LIF: variants seen among roughly 807,000 people sequenced by gnomAD.
LIF encodes the protein leukemia inhibitory factor.
A neutral mutation model predicts 15.0 loss-of-function variants in LIF; 9 were observed. The observed-to-expected ratio is 0.60, with a 90% CI of 0.36 to 1.04. The LOEUF (loss-of-function observed/expected upper bound fraction) is 1.04. Ranked by LOEUF, LIF falls within the 50% of genes least tolerant of loss-of-function variation. The pLI, the probability that LIF is intolerant of heterozygous loss-of-function variation, is 0.01. For missense variants in LIF, 240 were observed against 266.7 expected, an observed-to-expected ratio of 0.90 and a Z score of 0.70; for synonymous variants, 122 against 119.7, an observed-to-expected ratio of 1.02 and a Z score of -0.13.
chr22:30,244,828 T>C lies in LIF; in HGVS notation c.125A>G (p.Asn42Ser), dbSNP rs755742634. 9.3e-6 allele frequency: 15 copies of C among 1,614,184 alleles called. No individual in the cohort carries two copies. The highest frequency in any genetic ancestry group is 1.3e-5 in the Non-Finnish European group (15 of 1,180,010). Residue 42 changes from asparagine to serine, a missense_variant, in exon 2 of 3, where the codon AAC becomes AGC. By Grantham distance (46) the Asn-to-Ser change is conservative (BLOSUM62 1). Transcript: ENST00000249075. ...ATCAIRHPCH[N>S]NLMNQIRSQL... ...GCTCCTGATCTGGTTCATGAGGTTG[T>C]TGTGACATGGGTGGCGTATGGCACA...
At chr22:30,244,125 C>CT (rs1274943329) in intron 2 of LIF, 64 bp from the exon 3 acceptor site, 3 of 1,496,248 alleles carry the variant, frequency 2.0e-6, no homozygotes, top group Non-Finnish European at 2.7e-6. Flanking sequence ...GCCGCCAACC[C>CT]TTTGGGCAAG....
intron 2 of LIF, 35 bp from the exon 3 acceptor site, chr22:30,244,096 G>A (rs1928781851): frequency 6.3e-7 from 1 of 1,576,524 alleles, no homozygotes; most frequent in South Asian, 1.1e-5. Context: ...TGGGAGTCAG[G>A]GGTCAGTGTC....
intron 1 of LIF, 131 bp downstream of exon 1, chr22:30,246,546 G>A: frequency 7.4e-7 from 1 of 1,345,306 alleles, no homozygotes; most frequent in Non-Finnish European, 9.5e-7. Flanking sequence ...CGCCTCCGGT[G>A]GCTGCGCGGG....
chr22:30,244,078 A>G lies in LIF; in HGVS notation c.199-17T>C, dbSNP rs1315654921. 1.3e-6 allele frequency: 2 copies of G among 1,589,538 alleles called. No homozygotes were observed. On this transcript the variant is annotated splice_polypyrimidine_tract_variant and intron_variant, in intron 2 of 2. Coordinates refer to ENST00000249075, the MANE Select transcript of LIF (RefSeq NM_002309.5). The stretch of plus-strand genomic sequence containing the variant: ...GGCTGTGTACTGAGGGGCAGAAGGG[A>G]GGTGACGTGGGAGTCAGGGGTCAGT...
rs753177902 is a variant in LIF, at chr22:30,243,827, G to T, written c.433C>A (p.Arg145=). The change falls in exon 3 of 3, where the codon CGA becomes AGA. Residue 145 remains arginine (R), a synonymous_variant. Transcript: ENST00000249075. This position sits in a 1 kb window ranked among gnomAD's most constrained non-coding sequence, Gnocchi z 6.0. ...CACAGCACGTTGCTAAGGAGGCCTC[G>T]CAGGATGTCGGCGGTGGCGTTGAGC... ...SKLNATADIL[R]GLLSNVLCRL... 25 of 1,614,124 alleles carry T rather than the reference G, an allele frequency of 1.5e-5. No individual in the cohort carries two copies. The East Asian group carries it at 4.0e-4, about 26-fold the overall frequency.
intron 2 of LIF, among the ~76,000 whole-genome samples, 188 bp from the exon 3 acceptor site, chr22:30,244,249 A>G (rs181833689): frequency 6.6e-6 from 1 of 152,268 alleles, no homozygotes; most frequent in East Asian, 1.9e-4. Context: ...CTTGCTAAAG[A>G]TCAAAGACTG....
intron 1 of LIF, among the ~76,000 whole-genome samples, chr22:30,245,975 T>C (rs2036481937): frequency 6.6e-6 from 1 of 152,168 alleles, no homozygotes; most frequent in South Asian, 2.1e-4. Context: ...GAAGGGCACC[T>C]GAAGATGGTG....
intron 1 of LIF, 59 bp from the exon 2 acceptor site, chr22:30,244,992 A>C: frequency 6.4e-7 from 1 of 1,555,488 alleles, no homozygotes; most frequent in Non-Finnish European, 8.8e-7. Context: ...GCCTGGGGTC[A>C]TGGCACACCG....
In LIF at chr22:30,243,533, C is replaced by T; in HGVS notation, c.*118G>A. The stretch of plus-strand genomic sequence containing the variant: ...CTGGCCAGGCACCCTCGGGGTCTGC[C>T]AGCAGCCCCCATTTGGGTTTAGCGA... On this transcript the variant is annotated 3_prime_UTR_variant, in exon 3 of 3. Transcript: ENST00000249075. The surrounding 1 kb of genome is among the most constrained non-coding windows in gnomAD (Gnocchi z 6.0). 7.7e-7 allele frequency: 1 copy of T among 1,301,946 alleles called. No individual in the cohort carries two copies. Among genetic ancestry groups the T allele is most frequent in the South Asian group, 1.2e-5 (1 of 83,084 alleles). The allele number at this position is 1,301,946 out of a possible 1,614,324, so 80.6% of individuals were successfully genotyped here.
Position 30,242,985 on chromosome 22 carries a change from C to G in LIF, c.*666G>C, listed in dbSNP as rs779307438. 6.3e-6 allele frequency: 1 copy of G among 157,744 alleles called. No homozygotes were observed. Among genetic ancestry groups the G allele is most frequent in the Non-Finnish European group, 1.4e-5 (1 of 71,178 alleles). The allele number at this position is 157,744 out of a possible 1,614,324, so 9.8% of individuals were successfully genotyped here. A position where few individuals can be genotyped will look rare whatever the true frequency, so the allele number is the denominator to read the frequency against. ...AAGCTTTCCAGGCCTCTCCTCCTCC[C>G]AGTGTCTTCCTTCCCAGGCCTGAAG... On this transcript the variant is annotated 3_prime_UTR_variant, in exon 3 of 3. Transcript: ENST00000249075.
chr22:30,244,996 C>A (rs1928826078), intron 1 of LIF, 63 bp from the exon 2 acceptor site: 1 of 1,529,958 alleles, frequency 6.5e-7, no homozygotes, highest in Non-Finnish European at 9.0e-7. Context: ...GGGGTCATGG[C>A]ACACCGGATG....
rs1928768533 is a variant in LIF, at chr22:30,243,897, C to T, written c.363G>A (p.Arg121=). ...CACTGGGGTTGAGGATCTTCTGGTCCCGGGTGATGTTGCCCAGGGAGGTGC... is the reference window on the plus strand; with the variant it reads ...CACTGGGGTTGAGGATCTTCTGGTCTCGGGTGATGTTGCCCAGGGAGGTGC... ...YLGTSLGNIT[R]DQKILNPSAL... The change falls in exon 3 of 3, where the codon CGG becomes CGA. Residue 121 remains arginine, a synonymous_variant. Transcript: ENST00000249075. This position sits in a 1 kb window ranked among gnomAD's most constrained non-coding sequence, Gnocchi z 6.0. 6.2e-7 allele frequency: 1 copy of T among 1,614,032 alleles called. No individual in the cohort carries two copies. The highest frequency in any genetic ancestry group is 8.5e-7 in the Non-Finnish European group (1 of 1,180,034).
chr22:30,245,751 C>G (rs1928862365), intron 1 of LIF, among the ~76,000 whole-genome samples: 1 of 152,182 alleles, frequency 6.6e-6, no homozygotes, highest in Non-Finnish European at 1.5e-5. Context: ...TCCTAACACA[C>G]ACACACCGGC....
rs932108703 is a variant in LIF, at chr22:30,241,945, C to T, written c.*1706G>A. Reference sequence around the variant, plus strand: ...TGGGAGCAATGGGCAGCTGATCCCCCCAGTCTACCCCACCTTCCTGGGGTC... The same window carrying T: ...TGGGAGCAATGGGCAGCTGATCCCCTCAGTCTACCCCACCTTCCTGGGGTC... On this transcript the variant is annotated 3_prime_UTR_variant, in exon 3 of 3. Transcript: ENST00000249075. The surrounding 1 kb of genome is among the most constrained non-coding windows in gnomAD (Gnocchi z 4.4). 2 of 152,968 alleles carry T rather than the reference C, an allele frequency of 1.3e-5. No individual in the cohort carries two copies. The highest frequency in any genetic ancestry group is 2.1e-4 in the South Asian group (1 of 4,838). 9.5% of individuals were successfully genotyped at this position (152,968 alleles called of 1,614,324 possible). A position where few individuals can be genotyped will look rare whatever the true frequency, so the allele number is the denominator to read the frequency against.
chr22:30,246,566 T>C (rs1928904055), intron 1 of LIF, 111 bp downstream of exon 1: 2 of 1,464,418 alleles, frequency 1.4e-6, no homozygotes, highest in South Asian at 1.3e-5. Context: ...GCGCCCCAAG[T>C]GTTCGTGTGT....
rs764829723 is a variant in LIF, at chr22:30,244,763, T to C, written c.190A>G (p.Ile64Val). ...QLNGSANALF[I>V]LYYTAQGEPF... ...TCCCAGGGGTAACTTACATAGAGAA[T>C]AAAGAGGGCATTGGCACTGCCATTG... The change falls in exon 2 of 3, where the codon ATT becomes GTT. Residue 64 changes from isoleucine (I) to valine (V), a missense_variant. Physicochemically the swap from Ile to Val is conservative, Grantham distance 29. Coordinates refer to ENST00000249075, the MANE Select transcript of LIF (RefSeq NM_002309.5). The C allele has an allele frequency of 6.2e-7, 1 of 1,614,038 alleles. No individual in the cohort carries two copies. The highest frequency in any genetic ancestry group is 1.1e-5 in the South Asian group (1 of 91,072).
chr22:30,244,101 AGT>A, intron 2 of LIF, 40 bp from the exon 3 acceptor site: 1 of 1,570,006 alleles, frequency 6.4e-7, no homozygotes, highest in Non-Finnish European at 8.6e-7. Flanking sequence ...GTCAGGGGTC[AGT>A]GTCCCAGCCC....
At chr22:30,246,511 G>A in intron 1 of LIF, 166 bp downstream of exon 1, 1 of 1,285,532 alleles carries the variant, frequency 7.8e-7, no homozygotes, top group Non-Finnish European at 9.8e-7. Context: ...CCATGTGCCC[G>A]CGCTCGCTCC....
intron 1 of LIF, 56 bp downstream of exon 1, chr22:30,246,621 T>A: frequency 6.5e-7 from 1 of 1,533,946 alleles, no homozygotes; most frequent in Non-Finnish European, 8.8e-7. Flanking sequence ...GCGCCCCAAG[T>A]TGCCGCCGCG....
Sources: gnomAD v4.1 joint callset for allele counts (sites outside exome capture counted in the v4.1 genomes callset) on GRCh38, gnomAD v4.1.1 for gene constraint, Gnocchi (gnomAD v3.1) non-coding constraint, MANE v1.5 for transcripts, NCBI Gene and HGNC (gene_info 2026-07-23, HGNC 2026-07-21) for gene names.